Variants in ASAP1 observed in about 807,000 individuals in gnomAD.
ASAP1 encodes arf-GAP with SH3 domain, ANK repeat and PH domain-containing protein 1.
Under a neutral mutation model 145.2 loss-of-function variants are expected in ASAP1, and 43 were observed. That is an observed-to-expected ratio of 0.30 (90% CI 0.23 to 0.38). The LOEUF (loss-of-function observed/expected upper bound fraction) is 0.38, where lower values mean the gene tolerates loss of function less well. Among genes scored for constraint, ASAP1 ranks in the 10% least tolerant of loss-of-function variants. The pLI is 1.00. For missense variants in ASAP1, 1,018 were observed against 1,355.3 expected, an observed-to-expected ratio of 0.75 and a Z score of 3.91; for synonymous variants, 546 against 515.5, an observed-to-expected ratio of 1.06 and a Z score of -0.80.
At chr8:130,192,972 A>G (rs1815242169) in intron 5 of ASAP1, among the ~76,000 whole-genome samples, 1 of 152,222 alleles carries the variant, frequency 6.6e-6, no homozygotes, top group African/African-American at 2.4e-5. Flanking sequence ...CAGCCAAAAA[A>G]AACGAGAAAG....
In ASAP1 at chr8:130,252,767, A is replaced by G. The variant is rs1586687934; in HGVS notation, c.187-15773T>C. On this transcript the variant is annotated intron_variant, in intron 3 of 29. Transcript: ENST00000518721. ...TTTCAGTCCCATTCTTGGGAAAATAATAATTATAGGTACAACAAGGTATTT... is the reference window on the plus strand; with the variant it reads ...TTTCAGTCCCATTCTTGGGAAAATAGTAATTATAGGTACAACAAGGTATTT... Among the ~76,000 whole-genome samples, 3 of 152,202 alleles carry G rather than the reference A, an allele frequency of 2.0e-5. No individual in the cohort carries two copies. The South Asian group carries it at 6.2e-4, about 32-fold the overall frequency.
At chr8:130,152,488 A>G (rs2097648583) in intron 13 of ASAP1, 1 of 313,656 alleles carries the variant, frequency 3.2e-6, no homozygotes, top group Non-Finnish European at 5.8e-6. Flanking sequence ...CCCAAAAGAT[A>G]ATATTATGAA....
intron 12 of ASAP1, among the ~76,000 whole-genome samples, chr8:130,153,116 T>C (rs911593886): frequency 6.6e-6 from 1 of 150,976 alleles, no homozygotes; most frequent in Non-Finnish European, 1.5e-5. Flanking sequence ...ATCTCCCGGG[T>C]TGAAGCGATT....
At chr8:130,144,104 T>A (rs564755356) in intron 13 of ASAP1, among the ~76,000 whole-genome samples, 2 of 152,206 alleles carry the variant, frequency 1.3e-5, no homozygotes, top group Non-Finnish European at 1.5e-5. Flanking sequence ...TTTCATTCAA[T>A]AAATAGTTTT....
At chr8:130,173,384 C>A (rs6991291) in intron 9 of ASAP1, among the ~76,000 whole-genome samples, 1 of 152,160 alleles carries the variant, frequency 6.6e-6, no homozygotes. Flanking sequence ...AGAGCCACCA[C>A]GACCTGCCAA....
At chr8:130,400,898 G>A (rs1277289330) in intron 2 of ASAP1, among the ~76,000 whole-genome samples, 1 of 151,132 alleles carries the variant, frequency 6.6e-6, no homozygotes, top group Non-Finnish European at 1.5e-5. Flanking sequence ...TTTTTTTTCT[G>A]AGACGAAGTC....
At chr8:130,100,033 G>C (rs2097525916) in intron 24 of ASAP1, among the ~76,000 whole-genome samples, 1 of 152,132 alleles carries the variant, frequency 6.6e-6, no homozygotes, top group Non-Finnish European at 1.5e-5. Flanking sequence ...ATACCCAGTA[G>C]TAGAATTGCT....
intron 9 of ASAP1, among the ~76,000 whole-genome samples, chr8:130,171,679 C>A (rs775203880): frequency 6.6e-6 from 1 of 152,278 alleles, no homozygotes; most frequent in Non-Finnish European, 1.5e-5. Flanking sequence ...AGACTCAGCT[C>A]GGCTGCTACC....
At chr8:130,119,519 T>C (rs1376957936) in intron 18 of ASAP1, among the ~76,000 whole-genome samples, 3 of 152,178 alleles carry the variant, frequency 2.0e-5, no homozygotes, top group East Asian at 3.8e-4. Context: ...GGTGAGTAAA[T>C]GACCTAAGTG....
rs1338181575 is a variant in ASAP1 at position 130,429,367 on chromosome 8, C to T, written c.-28+14093G>A. 4.6e-5 allele frequency among the ~76,000 whole-genome samples: 7 copies of T among 152,316 alleles called. No homozygotes were observed. In the South Asian group the frequency reaches 1.5e-3, roughly 32 times the overall value. On this transcript the variant is annotated intron_variant, in intron 1 of 29. Coordinates refer to ENST00000518721, the MANE Select transcript of ASAP1 (RefSeq NM_018482.4). ...TCCCCCTAGTTCCATGTGCCAGGCA[C>T]CACTCTCACTGTTCTCCATGTCTCA...
At chr8:130,064,000 T>A (rs1023294525) in intron 27 of ASAP1, among the ~76,000 whole-genome samples, 4 of 151,600 alleles carry the variant, frequency 2.6e-5, no homozygotes, top group African/African-American at 9.7e-5. Context: ...CCAAGGAGGG[T>A]GTGGTCAGGG....
chr8:130,394,639 T>G (rs1478114430), intron 2 of ASAP1, among the ~76,000 whole-genome samples: 1 of 152,172 alleles, frequency 6.6e-6, no homozygotes, highest in Admixed American at 6.5e-5. Flanking sequence ...TAATAAAAAC[T>G]TGCTGGTTTT....
intron 2 of ASAP1, among the ~76,000 whole-genome samples, chr8:130,400,292 T>C (rs572376364): frequency 6.6e-6 from 1 of 152,306 alleles, no homozygotes; most frequent in Admixed American, 6.5e-5. Context: ...TCTCAGACTC[T>C]ACAAGTTTTC....
intron 2 of ASAP1, among the ~76,000 whole-genome samples, chr8:130,393,354 T>C (rs911067953): frequency 1.0e-5 from 1 of 100,408 alleles, no homozygotes; most frequent in African/African-American, 3.4e-5. Flanking sequence ...GAAGCCCTTC[T>C]CCCTGGAAGG....
At position 130,099,266 on chromosome 8, in the gene ASAP1, C is replaced by T. The variant is rs955952245; in HGVS notation, c.2402-7123G>A. On this transcript the variant is annotated intron_variant, in intron 24 of 29. Coordinates refer to ENST00000518721, the MANE Select transcript of ASAP1 (RefSeq NM_018482.4). ...AGATCTCGGCTCACTGCAAGCTCCA[C>T]CTCCCAGGTTCACGCCATTCTCCTG... Among the ~76,000 whole-genome samples, 8 of 151,888 alleles carry T rather than the reference C, an allele frequency of 5.3e-5. No homozygotes were observed. In the South Asian group the frequency reaches 6.2e-4, roughly 12 times the overall value.
chr8:130,214,571 T>C lies in ASAP1; in HGVS notation c.390A>G (p.Thr130=), dbSNP rs748032219. 3.7e-6 allele frequency: 6 copies of C among 1,606,812 alleles called. No individual in the cohort carries two copies. The East Asian group carries it at 6.7e-5, about 18-fold the overall frequency. ...AATGTCTTACCAGATTTTTCAGCAG[T>C]GTGGACAGTTCCTTTGTAAGAGTAG... ...KFSTLTKELS[T]LLKNLLQGLS... The change falls in exon 5 of 30, where the codon ACA becomes ACG. Residue 130 remains threonine, a synonymous_variant. Transcript: ENST00000518721.
chr8:130,115,574 G>C (rs1554825706), intron 23 of ASAP1, 54 bp downstream of exon 23: 2 of 1,368,992 alleles, frequency 1.5e-6, no homozygotes, highest in South Asian at 1.2e-5. Flanking sequence ...TGTCTACACA[G>C]ACTAGAAAAG....
intron 3 of ASAP1, among the ~76,000 whole-genome samples, chr8:130,356,874 C>T (rs1048041966): frequency 8.5e-5 from 13 of 152,172 alleles, no homozygotes; most frequent in African/African-American, 3.1e-4. Flanking sequence ...AGAGGTCCGT[C>T]CTTGGGGTGG....
chr8:130,431,471 A>G (rs1419572806), intron 1 of ASAP1, among the ~76,000 whole-genome samples: 2 of 152,130 alleles, frequency 1.3e-5, no homozygotes, highest in East Asian at 1.9e-4. Flanking sequence ...ATACTGTGCT[A>G]TTGGTACCAT....
Sources: gnomAD v4.1 joint callset for allele counts (sites outside exome capture counted in the v4.1 genomes callset) on GRCh38, gnomAD v4.1.1 for gene constraint, MANE v1.5 for transcripts, NCBI Gene and HGNC (gene_info 2026-07-23, HGNC 2026-07-21) for gene names.